Variants in CRPPA observed in about 807,000 individuals in gnomAD.
CRPPA encodes D-ribitol-5-phosphate cytidylyltransferase.
CRPPA carries 43 observed loss-of-function variants against 52.0 expected under a neutral mutation model. The observed-to-expected ratio is 0.83, with a 90% CI of 0.65 to 1.07. The LOEUF is 1.07. CRPPA is among the 50% of genes least tolerant of loss of function. The pLI, the probability that CRPPA is intolerant of heterozygous loss-of-function variation, is 0.00. For synonymous variants in CRPPA, 250 were observed against 203.5 expected (o/e 1.23, Z -1.94); for missense variants, 629 against 551.7 (o/e 1.14, Z -1.40).
At chr7:16,300,346 C>T (rs996308007) in intron 5 of CRPPA, among the ~76,000 whole-genome samples, 7 of 152,130 alleles carry the variant, frequency 4.6e-5, no homozygotes, top group South Asian at 2.1e-4. Context: ...TTTTCTACTT[C>T]GAAAAAAGTT....
chr7:16,138,286 G>A (rs1287475925), intron 9 of CRPPA, among the ~76,000 whole-genome samples: 1 of 152,114 alleles, frequency 6.6e-6, no homozygotes, highest in Non-Finnish European at 1.5e-5. Flanking sequence ...TATCTACAAT[G>A]CCTCAAGAAG....
At chr7:16,217,125 C>A (rs192512835) in intron 8 of CRPPA, among the ~76,000 whole-genome samples, 26,618 of 146,158 alleles carry the variant, frequency 0.18, 2,378 homozygotes, top group South Asian at 0.4. Flanking sequence ...TCAAGTGGGT[C>A]CCTGACCCCT....
intron 5 of CRPPA, among the ~76,000 whole-genome samples, chr7:16,299,404 G>A (rs1784742042): frequency 1.3e-5 from 2 of 152,182 alleles, no homozygotes; most frequent in Admixed American, 6.5e-5. Context: ...GAGCAGCCTA[G>A]AGGAAGATGT....
chr7:16,138,535 C>T (rs1301911132), intron 9 of CRPPA, among the ~76,000 whole-genome samples: 2 of 152,104 alleles, frequency 1.3e-5, no homozygotes, highest in African/African-American at 4.8e-5. Flanking sequence ...CATGTTTTAT[C>T]TACCATCAAT....
intron 9 of CRPPA, among the ~76,000 whole-genome samples, chr7:16,092,073 T>C (rs769682381): frequency 5.3e-5 from 8 of 152,228 alleles, no homozygotes; most frequent in Non-Finnish European, 1.0e-4. Context: ...TATTTCCCCT[T>C]AATCCAATTT....
rs1781814679 is a variant in CRPPA at position 16,090,549 on chromosome 7, C to CAAAAAATAAAAAAAAA, written c.*1145_*1146insTTTTTTTTTATTTTTT. The CAAAAAATAAAAAAAAA allele has an allele frequency of 1.2e-5, 1 of 82,218 alleles. No homozygotes were observed. The highest frequency in any genetic ancestry group is 5.4e-5 in the African/African-American group (1 of 18,412). 5.1% of individuals were successfully genotyped at this position (82,218 alleles called of 1,614,324 possible). ...CGAAAACCCTTCTCTACTAAAAATA[C>CAAAAAATAAAAAAAAA]AAAAAAAAAAAAAAAAAAAAAAAAT... On this transcript the variant is annotated 3_prime_UTR_variant, in exon 10 of 10. Transcript: ENST00000407010.
At position 16,089,924 on chromosome 7, in the gene CRPPA, A is replaced by G. The variant is rs1472516040; in HGVS notation, c.*1771T>C. On this transcript the variant is annotated 3_prime_UTR_variant, in exon 10 of 10. Transcript: ENST00000407010. ...TTCAAGGCACTTACCCTCTCTTTAA[A>G]GCCTTGATAACATTTCCCCTTCTTC... 2 of 157,022 alleles carry G rather than the reference A, an allele frequency of 1.3e-5. No homozygotes were observed. Among genetic ancestry groups the G allele is most frequent in the Non-Finnish European group, 2.8e-5 (2 of 70,698 alleles). The allele number at this position is 157,022 out of a possible 1,614,324, so 9.7% of individuals were successfully genotyped here. A position where few individuals can be genotyped will look rare whatever the true frequency, so the allele number is the denominator to read the frequency against.
chr7:16,278,104 T>C, intron 6 of CRPPA, 25 bp downstream of exon 6: 1 of 1,244,542 alleles, frequency 8.0e-7, no homozygotes, highest in African/African-American at 1.5e-5. Flanking sequence ...TCAAAGTTTA[T>C]CAAACTCAGT....
chr7:16,241,907 C>T lies in CRPPA; in HGVS notation c.1119+16483G>A, dbSNP rs16878697. The stretch of plus-strand genomic sequence containing the variant: ...ACCCAGCCTACAGTTCAGATTCTTA[C>T]GGCCTATAAATCTTGTTTAATGTAG... On this transcript the variant is annotated intron_variant, in intron 8 of 9. Coordinates refer to ENST00000407010, the MANE Select transcript of CRPPA (RefSeq NM_001101426.4). Among the ~76,000 whole-genome samples the T allele has an allele frequency of 9.5e-4, 140 of 147,356 alleles. 2 individuals are homozygous for T. The East Asian group carries it at 0.024, about 26-fold the overall frequency.
rs554520212 is a variant in CRPPA, at chr7:16,352,084, T to C, written c.684+24008A>G. Among the ~76,000 whole-genome samples, 7 of 152,060 alleles carry C rather than the reference T, an allele frequency of 4.6e-5. No homozygotes were observed. In the East Asian group the frequency reaches 1.4e-3, roughly 29 times the overall value. ...TACACCATGGAATACTATGAAGCCATAAAAAAGGATGAGTTCATGTCCTTT... is the reference window on the plus strand; with the variant it reads ...TACACCATGGAATACTATGAAGCCACAAAAAAGGATGAGTTCATGTCCTTT... On this transcript the variant is annotated intron_variant, in intron 3 of 9. Transcript: ENST00000407010.
At chr7:16,320,445 CAA>C (rs911959163) in intron 3 of CRPPA, among the ~76,000 whole-genome samples, 1 of 151,598 alleles carries the variant, frequency 6.6e-6, no homozygotes, top group Non-Finnish European at 1.5e-5. Context: ...GGTTTTATAA[CAA>C]AAAAAAGTTA....
At chr7:16,419,214 T>C (rs1189540713) in intron 1 of CRPPA, among the ~76,000 whole-genome samples, 4 of 152,258 alleles carry the variant, frequency 2.6e-5, no homozygotes, top group Non-Finnish European at 5.9e-5. Flanking sequence ...CTTTTTACAC[T>C]TCCATTTTCC....
chr7:16,115,649 C>T (rs772217768), intron 9 of CRPPA, among the ~76,000 whole-genome samples: 12 of 152,144 alleles, frequency 7.9e-5, no homozygotes, highest in Non-Finnish European at 1.6e-4. Flanking sequence ...TTGCTCATTT[C>T]AAGCCTGAAT....
At chr7:16,395,722 T>C (rs1205816517) in intron 2 of CRPPA, among the ~76,000 whole-genome samples, 3 of 152,226 alleles carry the variant, frequency 2.0e-5, no homozygotes, top group Non-Finnish European at 4.4e-5. Context: ...TCCTAAAATT[T>C]CAATAGTACC....
At chr7:16,286,561 A>AGTC (rs1784454113) in intron 5 of CRPPA, among the ~76,000 whole-genome samples, 1 of 32,094 alleles carries the variant, frequency 3.1e-5, no homozygotes, top group Non-Finnish European at 5.4e-5. Flanking sequence ...CTTACTCATC[A>AGTC]ATTCCTACCA....
At position 16,421,096 on chromosome 7, in the gene CRPPA, A is replaced by G; in HGVS notation, c.227T>C (p.Leu76Pro). Residue 76 changes from leucine to proline, a missense_variant, in exon 1 of 10, where the codon CTC becomes CCC. Coordinates refer to ENST00000407010, the MANE Select transcript of CRPPA (RefSeq NM_001101426.4). ...KQFCPILERPLISYTLQALER... is the reference protein window; with the variant it reads ...KQFCPILERPPISYTLQALER... ...CAGGGCCTGTAGGGTGTAGCTGATG[A>G]GCGGCCTCTCCAGGATGGGGCAGAA... is the stretch of plus-strand genomic sequence containing the variant. 1 of 1,298,316 alleles carries G rather than the reference A, an allele frequency of 7.7e-7. No homozygotes were observed. Among genetic ancestry groups the G allele is most frequent in the Non-Finnish European group, 9.8e-7 (1 of 1,016,288 alleles). The allele number at this position is 1,298,316 out of a possible 1,614,324, so 80.4% of individuals were successfully genotyped here.
intron 8 of CRPPA, among the ~76,000 whole-genome samples, chr7:16,237,661 T>A (rs1250874674): frequency 1.3e-5 from 2 of 152,222 alleles, no homozygotes; most frequent in African/African-American, 4.8e-5. Flanking sequence ...TTTCTGCTTA[T>A]TTTAATCTAC....
intron 8 of CRPPA, chr7:16,236,070 A>C (rs1047399795): frequency 6.6e-6 from 1 of 152,112 alleles, no homozygotes; most frequent in Non-Finnish European, 1.5e-5. Flanking sequence ...GGAAATTATA[A>C]ATGTATTTGA....
chr7:16,417,084 A>G (rs1299862912), intron 1 of CRPPA, among the ~76,000 whole-genome samples: 1 of 152,154 alleles, frequency 6.6e-6, no homozygotes, highest in Non-Finnish European at 1.5e-5. Flanking sequence ...AATCAAAACC[A>G]CAATCAGATA....
Sources: gnomAD v4.1 joint callset for allele counts (sites outside exome capture counted in the v4.1 genomes callset) on GRCh38, gnomAD v4.1.1 for gene constraint, MANE v1.5 for transcripts, NCBI Gene and HGNC (gene_info 2026-07-23, HGNC 2026-07-21) for gene names.